The following KALRN variants were observed in gnomAD, a reference collection of about 807,000 sequenced individuals.
KALRN encodes kalirin.
KALRN carries 70 observed loss-of-function variants against 353.7 expected under a neutral mutation model. The observed-to-expected ratio is 0.20, with a 90% CI of 0.16 to 0.24. KALRN has a LOEUF of 0.24. KALRN is among the 10% of genes least tolerant of loss of function. The pLI, the probability that KALRN is intolerant of heterozygous loss-of-function variation, is 1.00. For missense variants in KALRN, 2,791 were observed against 3,756.7 expected, an observed-to-expected ratio of 0.74 and a Z score of 6.72; for synonymous variants, 1,391 against 1,434.8, an observed-to-expected ratio of 0.97 and a Z score of 0.69.
At chr3:124,562,299 G>A (rs1275538131) in intron 33 of KALRN, among the ~76,000 whole-genome samples, 1 of 152,170 alleles carries the variant, frequency 6.6e-6, no homozygotes. Flanking sequence ...GTGTTGCAGG[G>A]GTTAGAAGGA....
At chr3:124,648,335 T>G (rs532814311) in intron 37 of KALRN, among the ~76,000 whole-genome samples, 2 of 152,362 alleles carry the variant, frequency 1.3e-5, no homozygotes, top group African/African-American at 4.8e-5. Context: ...CCTGGGCTAC[T>G]TTGCTTATAG....
intron 33 of KALRN, among the ~76,000 whole-genome samples, chr3:124,546,290 CAAAAAA>C (rs5852410): frequency 0.017 from 1,912 of 114,634 alleles, 20 homozygotes; most frequent in East Asian, 0.079. Context: ...CCCCATCTCT[CAAAAAA>C]AAAAAAAAAA....
intron 6 of KALRN, among the ~76,000 whole-genome samples, chr3:124,316,244 G>A (rs1053426675): frequency 6.6e-6 from 1 of 152,082 alleles, no homozygotes; most frequent in Admixed American, 6.5e-5. Flanking sequence ...TGCCTGGACT[G>A]CTGTAGTAGC....
rs2092685969 is a variant in KALRN at position 124,419,612 on chromosome 3, G to A, written c.2543-3200G>A. On this transcript the variant is annotated intron_variant, in intron 14 of 59. Transcript: ENST00000682506. Reference sequence around the variant, plus strand: ...AAGCATTGTGCTAGGGCCTGAAGAGGCAGAGATGGATACGACTGACATGGC... The same window carrying A: ...AAGCATTGTGCTAGGGCCTGAAGAGACAGAGATGGATACGACTGACATGGC... 1.3e-5 allele frequency among the ~76,000 whole-genome samples: 2 copies of A among 152,112 alleles called. 1 individual carries two copies. Among genetic ancestry groups the A allele is most frequent in the South Asian group, 4.1e-4 (2 of 4,820 alleles).
chr3:124,424,591 A>G (rs2092935666), intron 15 of KALRN, among the ~76,000 whole-genome samples: 1 of 152,152 alleles, frequency 6.6e-6, no homozygotes, highest in Non-Finnish European at 1.5e-5. Flanking sequence ...CTGAGCCCCA[A>G]GCAAGGCCGG....
intron 40 of KALRN, 73 bp from the exon 41 acceptor site, chr3:124,657,661 T>A: frequency 7.2e-7 from 1 of 1,381,086 alleles, no homozygotes; most frequent in Non-Finnish European, 1.0e-6. Flanking sequence ...CTTCTGTAAT[T>A]CATCTTATTA....
chr3:124,375,354 C>A (rs758200127), intron 10 of KALRN, among the ~76,000 whole-genome samples: 11 of 152,190 alleles, frequency 7.2e-5, no homozygotes, highest in Non-Finnish European at 1.5e-4. Flanking sequence ...TCTCAGGAAG[C>A]AGCTCTGGGC....
chr3:124,420,400 T>G (rs2092724291), intron 14 of KALRN, among the ~76,000 whole-genome samples: 1 of 152,200 alleles, frequency 6.6e-6, no homozygotes, highest in African/African-American at 2.4e-5. Flanking sequence ...AGACTGGAAG[T>G]GAGAAAGAGC....
Position 124,284,394 on chromosome 3 carries a change from C to G in KALRN, c.970-14397C>G, listed in dbSNP as rs2075637394. Among the ~76,000 whole-genome samples the G allele has an allele frequency of 5.9e-5, 9 of 152,290 alleles. No homozygotes were observed. In the South Asian group the frequency reaches 1.9e-3, roughly 32 times the overall value. On this transcript the variant is annotated intron_variant, in intron 5 of 59. Coordinates refer to ENST00000682506, the MANE Select transcript of KALRN (RefSeq NM_001388419.1). ...CAGGCCTTTGCTTAAGCTATTTCCT[C>G]TGATTAAAATGCCCTTGCAAACTAC...
intron 33 of KALRN, among the ~76,000 whole-genome samples, chr3:124,548,855 T>C (rs572536520): frequency 4.6e-5 from 7 of 152,210 alleles, no homozygotes; most frequent in Non-Finnish European, 1.0e-4. Flanking sequence ...GGTTTCATCA[T>C]CTTGGCTAGG....
intron 33 of KALRN, among the ~76,000 whole-genome samples, chr3:124,543,036 GT>G (rs1429194358): frequency 1.3e-5 from 2 of 152,114 alleles, no homozygotes; most frequent in African/African-American, 4.8e-5. Flanking sequence ...GGCGGCCTCA[GT>G]TTCTCACCTT....
At chr3:124,686,666 G>T (rs35816663) in intron 51 of KALRN, among the ~76,000 whole-genome samples, 24,083 of 151,988 alleles carry the variant, frequency 0.16, 2,410 homozygotes, top group Middle Eastern at 0.28. Context: ...GACAACAAAG[G>T]CATGGAAGGA....
At chr3:124,135,104 T>C (rs763635153) in intron 1 of KALRN, among the ~76,000 whole-genome samples, 1 of 152,146 alleles carries the variant, frequency 6.6e-6, no homozygotes, top group African/African-American at 2.4e-5. Context: ...CAGTTCACAA[T>C]TGCAAAATTG....
intron 34 of KALRN, among the ~76,000 whole-genome samples, chr3:124,577,999 A>G (rs962493095): frequency 6.6e-6 from 1 of 152,222 alleles, no homozygotes; most frequent in Non-Finnish European, 1.5e-5. Context: ...TATTGTCTCA[A>G]TTCCTCTTTT....
At chr3:124,516,849 A>G (rs1446336231) in intron 33 of KALRN, among the ~76,000 whole-genome samples, 2 of 151,092 alleles carry the variant, frequency 1.3e-5, no homozygotes, top group Non-Finnish European at 2.9e-5. Context: ...ACGGAGTCTC[A>G]CTCTGTCACC....
intron 25 of KALRN, among the ~76,000 whole-genome samples, chr3:124,468,475 C>T (rs1577181578): frequency 6.6e-6 from 1 of 152,144 alleles, no homozygotes; most frequent in South Asian, 2.1e-4. Context: ...CCCTCTTTGC[C>T]CCTCCTACCC....
intron 9 of KALRN, among the ~76,000 whole-genome samples, chr3:124,346,513 A>G (rs1307545837): frequency 1.3e-5 from 2 of 152,122 alleles, no homozygotes; most frequent in Non-Finnish European, 2.9e-5. Context: ...CAAACACTTT[A>G]ATTTATTTGT....
At chr3:124,408,653 AC>A (rs2091845044) in intron 13 of KALRN, among the ~76,000 whole-genome samples, 1 of 152,212 alleles carries the variant, frequency 6.6e-6, no homozygotes, top group Non-Finnish European at 1.5e-5. Context: ...AAAGAACTAT[AC>A]AGTGAGATTT....
intron 34 of KALRN, among the ~76,000 whole-genome samples, chr3:124,618,238 T>TA (rs1418860071): frequency 1.3e-5 from 2 of 151,480 alleles, no homozygotes; most frequent in African/African-American, 4.9e-5. Flanking sequence ...GCCTCCCGAG[T>TA]AGCTGGGACT....
Sources: allele counts gnomAD v4.1 joint callset (sites outside exome capture counted in the v4.1 genomes callset), GRCh38; gene constraint gnomAD v4.1.1; transcripts MANE v1.5; gene names NCBI Gene and HGNC (gene_info 2026-07-23, HGNC 2026-07-21).